The following OTUB2 variants were observed in gnomAD, a reference collection of about 807,000 sequenced individuals.
OTUB2 encodes OTU deubiquitinase, ubiquitin aldehyde binding 2.
OTUB2 carries 21 observed loss-of-function variants against 25.1 expected under a neutral mutation model. The observed-to-expected ratio is 0.84, with a 90% confidence interval of 0.59 to 1.21. The LOEUF is 1.21. OTUB2 is among the 50% of genes most tolerant of loss of function. The probability of loss-of-function intolerance (pLI) is 0.00; values close to 1 mark genes in which losing one functional copy is unlikely to be tolerated. For missense variants in OTUB2, 283 were observed against 298.0 expected, an observed-to-expected ratio of 0.95 and a Z score of 0.37; for synonymous variants, 122 against 122.8, an observed-to-expected ratio of 0.99 and a Z score of 0.04.
chr14:94,043,584 G>C lies in OTUB2; in HGVS notation c.219-387G>C, dbSNP rs117730296. Among the ~76,000 whole-genome samples the C allele has an allele frequency of 3.8e-4, 58 of 152,382 alleles. 1 individual carries two copies. In the East Asian group the frequency reaches 0.01, roughly 27 times the overall value. On this transcript the variant is annotated intron_variant, in intron 3 of 5. Transcript: ENST00000203664. The stretch of plus-strand genomic sequence containing the variant: ...GGTGCTGGCAGATGCTTAACAGCCG[G>C]CTGTGGGCGTGCGGGAGGCCTGATG...
In OTUB2 at chr14:94,048,436, G is replaced by A. The variant is rs1284625878; in HGVS notation, c.*2514G>A. ...CAAATGAGAGCTCTGGAGCCAGAAT[G>A]CCAGGGTTCTAACTTCAGCATTCAC... On this transcript the variant is annotated 3_prime_UTR_variant, in exon 6 of 6. Transcript: ENST00000203664. The A allele has an allele frequency of 6.6e-6, 1 of 152,212 alleles. No individual in the cohort carries two copies. The highest frequency in any genetic ancestry group is 1.5e-5 in the Non-Finnish European group (1 of 68,046). 9.4% of individuals were successfully genotyped at this position (152,212 alleles called of 1,614,324 possible).
rs763876814 is a variant in OTUB2, at chr14:94,045,746, C to T, written c.529C>T (p.His177Tyr). Residue 177 changes from histidine (H) to tyrosine (Y), a missense_variant, in exon 6 of 6, where the codon CAC (histidine) becomes TAC (tyrosine). By Grantham distance (83) the His-to-Tyr change is moderately conservative. Transcript: ENST00000203664. ...EVEPMATECD[H>Y]IQITALSQAL... ...AGAGCCCATGGCCACGGAGTGTGAC[C>T]ACATCCAGATCACGGCGTTGTCGCA... 2 of 1,614,176 alleles carry T rather than the reference C, an allele frequency of 1.2e-6. No homozygotes were observed. Among genetic ancestry groups the T allele is most frequent in the Non-Finnish European group, 1.7e-6 (2 of 1,180,030 alleles).
chr14:94,045,413 T>C (rs1371461143), intron 5 of OTUB2, among the ~76,000 whole-genome samples: 1 of 152,194 alleles, frequency 6.6e-6, no homozygotes, highest in Non-Finnish European at 1.5e-5. Flanking sequence ...CTGAAAAATG[T>C]CTGCCCCCCG....
chr14:94,038,575 C>A (rs561438819), intron 2 of OTUB2, among the ~76,000 whole-genome samples: 1 of 130,936 alleles, frequency 7.6e-6, no homozygotes, highest in Admixed American at 7.9e-5. Flanking sequence ...CTCACACATG[C>A]AACCCCCTAC....
At chr14:94,045,658 C>T in intron 5 of OTUB2, 58 bp from the exon 6 acceptor site, 1 of 1,545,482 alleles carries the variant, frequency 6.5e-7, no homozygotes, top group Non-Finnish European at 8.8e-7. Context: ...GCTGAACTCA[C>T]TTGTCCTCTG....
chr14:94,039,781 A>G (rs1885124562), intron 3 of OTUB2, among the ~76,000 whole-genome samples: 1 of 152,118 alleles, frequency 6.6e-6, no homozygotes, highest in Admixed American at 6.5e-5. Context: ...TAAGAGACCC[A>G]CCTGGCTCTT....
At chr14:94,045,398 C>T (rs1039915466) in intron 5 of OTUB2, among the ~76,000 whole-genome samples, 1 of 152,142 alleles carries the variant, frequency 6.6e-6, no homozygotes, top group Non-Finnish European at 1.5e-5. Flanking sequence ...TCTTTGATGC[C>T]CAACCTGAAA....
chr14:94,048,257 A>G lies in OTUB2; in HGVS notation c.*2335A>G, dbSNP rs1885317834. ...CCACAGAGCCATCTCTCTCCAGACC[A>G]AAAGCTGGAAGGAGAGTTGCTTTGA... On this transcript the variant is annotated 3_prime_UTR_variant, in exon 6 of 6. Transcript: ENST00000203664. The G allele has an allele frequency of 6.6e-6, 1 of 152,222 alleles. No individual in the cohort carries two copies. The highest frequency in any genetic ancestry group is 1.5e-5 in the Non-Finnish European group (1 of 68,048). The allele number at this position is 152,222 out of a possible 1,614,324, so 9.4% of individuals were successfully genotyped here. A position where few individuals can be genotyped will look rare whatever the true frequency, so the allele number is the denominator to read the frequency against.
chr14:94,044,533 AG>A (rs1885226760), intron 4 of OTUB2, 52 bp from the exon 5 acceptor site: 5 of 1,551,876 alleles, frequency 3.2e-6, no homozygotes, highest in Non-Finnish European at 4.4e-6. Flanking sequence ...GAGAATGCAG[AG>A]GGAGGGCTGG....
intron 1 of OTUB2, 93 bp downstream of exon 1, chr14:94,026,633 T>A: frequency 8.4e-7 from 1 of 1,186,416 alleles, no homozygotes; most frequent in East Asian, 3.2e-5. Flanking sequence ...GGGACGGGGG[T>A]CGGACGCGAG....
chr14:94,031,984 G>T (rs1340128604), intron 1 of OTUB2, among the ~76,000 whole-genome samples: 1 of 152,216 alleles, frequency 6.6e-6, no homozygotes, highest in Non-Finnish European at 1.5e-5. Context: ...GCCAGGTCAA[G>T]CATCATGCCT....
intron 3 of OTUB2, among the ~76,000 whole-genome samples, chr14:94,039,589 G>A (rs374950262): frequency 4.7e-5 from 7 of 149,526 alleles, no homozygotes; most frequent in Admixed American, 6.7e-5. Context: ...TGTACAAGGC[G>A]CCTGGTTCTC....
Position 94,044,734 on chromosome 14 carries a change from G to A in OTUB2, c.452G>A (p.Arg151Gln), listed in dbSNP as rs767603825. The A allele has an allele frequency of 4.3e-6, 7 of 1,613,826 alleles. No individual in the cohort carries two copies. The highest frequency in any genetic ancestry group is 1.3e-5 in the African/African-American group (1 of 75,052). The change falls in exon 5 of 6, where the codon CGG (arginine) becomes CAG (glutamine). Residue 151 changes from arginine (R) to glutamine (Q), a missense_variant. Arg to Gln is a conservative substitution (Grantham distance 43). Coordinates refer to ENST00000203664, the MANE Select transcript of OTUB2 (RefSeq NM_023112.4). ...AFIRNRADFF[R>Q]HFIDEEMDIK... ...ATCAGGAACCGAGCAGACTTCTTCC[G>A]GCACTTCATTGATGAGGAGATGGAC...
chr14:94,038,700 C>T (rs1300779099), intron 2 of OTUB2, among the ~76,000 whole-genome samples: 1 of 152,242 alleles, frequency 6.6e-6, no homozygotes, highest in Non-Finnish European at 1.5e-5. Context: ...GCACTCCTGT[C>T]CCCTCACAAT....
chr14:94,033,118 G>T (rs1419149004), intron 1 of OTUB2, among the ~76,000 whole-genome samples: 1 of 152,020 alleles, frequency 6.6e-6, no homozygotes, highest in African/African-American at 2.4e-5. Flanking sequence ...TGCCATGTTG[G>T]CCAGGATGGT....
chr14:94,031,406 G>A (rs1294222998), intron 1 of OTUB2, among the ~76,000 whole-genome samples: 1 of 152,180 alleles, frequency 6.6e-6, no homozygotes, highest in African/African-American at 2.4e-5. Flanking sequence ...CTTAGGTAAT[G>A]TGGGCAGGTT....
At position 94,039,002 on chromosome 14, in the gene OTUB2, G is replaced by A. The variant is rs1325188967; in HGVS notation, c.139G>A (p.Gly47Arg). ...GTTCACCGCCATCCGCAAGACCAAA[G>A]GGGATGGGAACTGCTTCTACAGGGC... ...KRFTAIRKTK[G>R]DGNCFYRALG... is the part of the protein sequence containing the mutation. Residue 47 changes from glycine to arginine, a missense_variant, in exon 3 of 6, where the codon GGG (glycine) becomes AGG (arginine). Transcript: ENST00000203664. 6.2e-7 allele frequency: 1 copy of A among 1,614,226 alleles called. No individual in the cohort carries two copies. The highest frequency in any genetic ancestry group is 8.5e-7 in the Non-Finnish European group (1 of 1,180,040).
At position 94,032,482 on chromosome 14, in the gene OTUB2, G is replaced by A. The variant is rs1449112136; in HGVS notation, c.4-4898G>A. Reference sequence around the variant, plus strand: ...CAGAAAAGTAGAAAGGTGGTCGCCAGAGACTGGGGGCAAGGGGATGGGGAG... The same window carrying A: ...CAGAAAAGTAGAAAGGTGGTCGCCAAAGACTGGGGGCAAGGGGATGGGGAG... On this transcript the variant is annotated intron_variant, in intron 1 of 5. Transcript: ENST00000203664. Among the ~76,000 whole-genome samples the A allele has an allele frequency of 2.0e-5, 3 of 152,144 alleles. No homozygotes were observed. In the East Asian group the frequency reaches 5.8e-4, roughly 29 times the overall value.
At chr14:94,036,347 T>C (rs1228603381) in intron 1 of OTUB2, among the ~76,000 whole-genome samples, 2 of 152,232 alleles carry the variant, frequency 1.3e-5, no homozygotes, top group African/African-American at 2.4e-5. Context: ...CAGTGCTCTA[T>C]TGCATAAAAA....
Sources: gnomAD v4.1 joint callset for allele counts (sites outside exome capture counted in the v4.1 genomes callset) on GRCh38, gnomAD v4.1.1 for gene constraint, MANE v1.5 for transcripts, NCBI Gene and HGNC (gene_info 2026-07-23, HGNC 2026-07-21) for gene names.